IL1RL2: variants seen among roughly 807,000 people sequenced by gnomAD.
IL1RL2 encodes the protein interleukin 1 receptor like 2.
IL1RL2 carries 68 observed loss-of-function variants against 66.8 expected under a neutral mutation model. The ratio of observed to expected loss-of-function variants is 1.02; its 90% CI spans 0.84 to 1.25. The LOEUF (loss-of-function observed/expected upper bound fraction) is 1.25, where lower values mean the gene tolerates loss of function less well. Among genes scored for constraint, IL1RL2 ranks in the 50% most tolerant of loss-of-function variants. IL1RL2 has a pLI of 0.00. For synonymous variants in IL1RL2, 305 were observed against 264.6 expected (o/e 1.15, Z -1.48); for missense variants, 729 against 709.3 (o/e 1.03, Z -0.32).
intron 10 of IL1RL2, 141 bp from the exon 11 acceptor site, chr2:102,234,756 C>A: frequency 1.3e-6 from 1 of 740,948 alleles, no homozygotes. Flanking sequence ...CCCTGCACTC[C>A]AACCTGGGCA....
Position 102,195,635 on chromosome 2 carries a change from CTCTCTCTCTCTCTTTCTTTCTT to C in IL1RL2, c.489+3519_489+3540del, listed in dbSNP as rs1559530337. ...TTTCTTTCTTTCTTTCTTTCTCTCT[CTCTCTCTCTCTCTTTCTTTCTT>C]TCTTTCTTTCTTTCTTTCTTTCTTT... On this transcript the variant is annotated intron_variant, in intron 4 of 11. Transcript: ENST00000264257. Among the ~76,000 whole-genome samples the C allele has an allele frequency of 3.9e-4, 11 of 28,484 alleles. 1 individual carries two copies. Among genetic ancestry groups the C allele is most frequent in the Non-Finnish European group, 8.7e-5 (1 of 11,488 alleles). 18.7% of individuals were successfully genotyped at this position (28,484 alleles called of 152,430 possible).
intron 5 of IL1RL2, among the ~76,000 whole-genome samples, chr2:102,203,878 T>A (rs1440559659): frequency 6.6e-6 from 1 of 152,142 alleles, no homozygotes; most frequent in Non-Finnish European, 1.5e-5. Flanking sequence ...GTTTCATTGA[T>A]CTTCTGTGTT....
rs976257610 is a variant in IL1RL2 at position 102,219,911 on chromosome 2, G to A, written c.885G>A (p.Leu295=). 3 of 1,613,040 alleles carry A rather than the reference G, an allele frequency of 1.9e-6. No homozygotes were observed. The highest frequency in any genetic ancestry group is 2.2e-5 in the East Asian group (1 of 44,886). ...ETHVSFREHN[L]YTVNITFLEV... is the part of the protein sequence containing the mutation. ...ATGTCTCTTTTCGGGAACATAATTT[G>A]TACACAGTAAACATCACCTTCTTGG... Residue 295 remains leucine, a synonymous_variant, in exon 8 of 12, where the codon TTG becomes TTA. Transcript: ENST00000264257.
chr2:102,194,610 G>C (rs576453420), intron 4 of IL1RL2, among the ~76,000 whole-genome samples: 93 of 152,162 alleles, frequency 6.1e-4, no homozygotes, highest in African/African-American at 1.8e-3. Flanking sequence ...TTGCTATTTG[G>C]ATAAATGAGT....
At chr2:102,223,033 T>C (rs1690279069) in intron 8 of IL1RL2, among the ~76,000 whole-genome samples, 1 of 152,244 alleles carries the variant, frequency 6.6e-6, no homozygotes, top group Non-Finnish European at 1.5e-5. Context: ...TCAGAGGAGC[T>C]AATGCTGTGA....
intron 8 of IL1RL2, among the ~76,000 whole-genome samples, chr2:102,221,466 C>A (rs947600483): frequency 6.6e-6 from 1 of 152,136 alleles, no homozygotes; most frequent in East Asian, 1.9e-4. Flanking sequence ...AACTCTCCAA[C>A]CTCCTGGTTC....
chr2:102,188,139 T>G (rs953958849), intron 2 of IL1RL2, among the ~76,000 whole-genome samples: 1 of 152,174 alleles, frequency 6.6e-6, no homozygotes, highest in African/African-American at 2.4e-5. Flanking sequence ...GGAGGTGACT[T>G]CGGGGAGGGG....
Position 102,219,938 on chromosome 2 carries a change from A to G in IL1RL2, c.912A>G (p.Glu304=). The stretch of plus-strand genomic sequence containing the variant: ...ACACAGTAAACATCACCTTCTTGGA[A>G]GTGAAAATGGAAGATTATGGCCTTC... ...NLYTVNITFL[E]VKMEDYGLPF... Residue 304 remains glutamate (E), a synonymous_variant, in exon 8 of 12, where the codon GAA becomes GAG. Transcript: ENST00000264257. 1 of 1,613,712 alleles carries G rather than the reference A, an allele frequency of 6.2e-7. No homozygotes were observed. The highest frequency in any genetic ancestry group is 8.5e-7 in the Non-Finnish European group (1 of 1,179,644).
intron 3 of IL1RL2, among the ~76,000 whole-genome samples, chr2:102,190,116 T>C (rs1044750784): frequency 7.2e-5 from 11 of 152,156 alleles, no homozygotes; most frequent in African/African-American, 2.7e-4. Context: ...GAAATATGAA[T>C]AACACAGGCC....
At chr2:102,194,625 G>C (rs780747838) in intron 4 of IL1RL2, among the ~76,000 whole-genome samples, 21 of 152,096 alleles carry the variant, frequency 1.4e-4, no homozygotes, top group Admixed American at 2.6e-4. Flanking sequence ...ATGAGTAATT[G>C]TGTCTCATTT....
chr2:102,190,473 C>A (rs755615870), intron 3 of IL1RL2, among the ~76,000 whole-genome samples: 2 of 152,206 alleles, frequency 1.3e-5, no homozygotes, highest in African/African-American at 4.8e-5. Flanking sequence ...ACTCCATTCT[C>A]TCGCTCTTGT....
chr2:102,231,636 G>A (rs1046924037), intron 9 of IL1RL2, among the ~76,000 whole-genome samples: 1 of 151,792 alleles, frequency 6.6e-6, no homozygotes, highest in Non-Finnish European at 1.5e-5. Context: ...TTTGACTCTC[G>A]TCGCCTCGTA....
At chr2:102,237,123 C>A (rs1022132110) in intron 11 of IL1RL2, among the ~76,000 whole-genome samples, 1 of 152,178 alleles carries the variant, frequency 6.6e-6, no homozygotes, top group Non-Finnish European at 1.5e-5. Flanking sequence ...AGAGAGGACA[C>A]GTCCCCGTAC....
chr2:102,187,306 C>T, intron 1 of IL1RL2: 1 of 1,175,794 alleles, frequency 8.5e-7, no homozygotes, highest in Non-Finnish European at 1.1e-6. Context: ...CAGCGGCTCC[C>T]TGCCTTCCTT....
intron 10 of IL1RL2, 87 bp from the exon 11 acceptor site, chr2:102,234,810 C>G: frequency 7.8e-7 from 1 of 1,281,028 alleles, no homozygotes; most frequent in Non-Finnish European, 1.1e-6. Context: ...CAATTTTCTC[C>G]TGGCCTGTTT....
At chr2:102,200,304 A>G (rs947950464) in intron 4 of IL1RL2, among the ~76,000 whole-genome samples, 6 of 152,160 alleles carry the variant, frequency 3.9e-5, no homozygotes, top group Admixed American at 3.9e-4. Context: ...TAAGCCTTAT[A>G]GGAAGTAGCA....
chr2:102,191,951 A>T lies in IL1RL2; in HGVS notation c.320A>T (p.His107Leu). 6.2e-7 allele frequency: 1 copy of T among 1,612,518 alleles called. No homozygotes were observed. Residue 107 changes from histidine (H) to leucine (L), a missense_variant, in exon 4 of 12, where the codon CAT becomes CTT. Coordinates refer to ENST00000264257, the MANE Select transcript of IL1RL2 (RefSeq NM_003854.4). Reference sequence around the variant, plus strand: ...GGTAGAGACAGCTGTCATAGAATACATGTAAACCTAACTGTTTTTGAAAAA... The same window carrying T: ...GGTAGAGACAGCTGTCATAGAATACTTGTAAACCTAACTGTTTTTGAAAAA... ...IKGRDSCHRI[H>L]VNLTVFEKHW...
intron 7 of IL1RL2, 132 bp from the exon 8 acceptor site, chr2:102,219,745 TCAGC>T (rs1215783553): frequency 1.3e-6 from 1 of 777,032 alleles, no homozygotes; most frequent in African/African-American, 1.7e-5. Flanking sequence ...ACTGGGCCAG[TCAGC>T]AAAGTATTTT....
At chr2:102,233,533 C>T (rs1296435793) in intron 10 of IL1RL2, among the ~76,000 whole-genome samples, 2 of 152,154 alleles carry the variant, frequency 1.3e-5, no homozygotes, top group African/African-American at 4.8e-5. Context: ...TAAATCAGGT[C>T]GTGCTTAAAG....
Sources: allele counts gnomAD v4.1 joint callset (sites outside exome capture counted in the v4.1 genomes callset), GRCh38; gene constraint gnomAD v4.1.1; transcripts MANE v1.5; gene names NCBI Gene and HGNC (gene_info 2026-07-23, HGNC 2026-07-21).